SENP1: variants seen among roughly 807,000 people sequenced by gnomAD.
SENP1 encodes SUMO specific peptidase 1, also known as sentrin-specific protease 1.
SENP1 carries 21 observed loss-of-function variants against 93.0 expected under a neutral mutation model. That is an observed-to-expected ratio of 0.23 (90% CI 0.16 to 0.33). The LOEUF is 0.33. Among genes scored for constraint, SENP1 ranks in the 10% least tolerant of loss-of-function variants. The pLI, the probability that SENP1 is intolerant of heterozygous loss-of-function variation, is 1.00. For missense variants in SENP1, 591 were observed against 758.7 expected (o/e 0.78, Z 2.60); for synonymous variants, 256 against 259.6 (o/e 0.99, Z 0.13).
intron 13 of SENP1, among the ~76,000 whole-genome samples, chr12:48,049,565 C>G (rs533811061): frequency 6.8e-4 from 103 of 152,300 alleles, no homozygotes; most frequent in Non-Finnish European, 1.4e-3. Flanking sequence ...CAGTTAGCGC[C>G]TAGTGTTAGT....
rs545055183 is a variant in SENP1, at chr12:48,088,926, G to A, written c.255C>T (p.Gly85=). ...NPSSDSFLGS[G]DLRTFGQSAN... ...CACTCTGGCCAAAGGTTCTTAAATC[G>A]CCTGAGCCAAGAAAACTGTCTGAGG... is the stretch of plus-strand genomic sequence containing the variant. The change falls in exon 5 of 18, where the codon GGC becomes GGT. Residue 85 remains glycine (G), a synonymous_variant. Coordinates refer to ENST00000549518, the MANE Select transcript of SENP1 (RefSeq NM_001267594.2). 2.5e-6 allele frequency: 4 copies of A among 1,594,380 alleles called. No individual in the cohort carries two copies. The highest frequency in any genetic ancestry group is 1.3e-5 in the African/African-American group (1 of 74,460).
chr12:48,079,786 GTTT>G (rs997160619), intron 6 of SENP1, among the ~76,000 whole-genome samples: 1 of 91,982 alleles, frequency 1.1e-5, no homozygotes, highest in Non-Finnish European at 2.1e-5. Flanking sequence ...CTAGTAAACT[GTTT>G]TTTTATAAAT....
chr12:48,090,893 T>C (rs1245553131), intron 4 of SENP1, among the ~76,000 whole-genome samples: 1 of 152,194 alleles, frequency 6.6e-6, no homozygotes, highest in Non-Finnish European at 1.5e-5. Context: ...AGTGAGCCAC[T>C]GTGCCTGGCC....
chr12:48,094,978 A>G (rs2137263695), intron 4 of SENP1, among the ~76,000 whole-genome samples: 1 of 152,314 alleles, frequency 6.6e-6, no homozygotes, highest in Non-Finnish European at 1.5e-5. Flanking sequence ...AAGCCTTCTC[A>G]ATAATAATGG....
rs2136703805 is a variant in SENP1, at chr12:48,043,605, CAAAG to C, written c.*1713_*1716del. On this transcript the variant is annotated 3_prime_UTR_variant, in exon 18 of 18. Coordinates refer to ENST00000549518, the MANE Select transcript of SENP1 (RefSeq NM_001267594.2). ...TTATTTCCTATAGAAAACTCAAAAA[CAAAG>C]AAAAAGAAAGAAAAATAAAGAGAGA... 1 of 149,074 alleles carries C rather than the reference CAAAG, an allele frequency of 6.7e-6. No individual in the cohort carries two copies. Among genetic ancestry groups the C allele is most frequent in the African/African-American group, 2.5e-5 (1 of 40,206 alleles). 9.2% of individuals were successfully genotyped at this position (149,074 alleles called of 1,614,324 possible).
At chr12:48,078,379 TTATACA>T (rs1378747755) in intron 6 of SENP1, among the ~76,000 whole-genome samples, 15 of 93,208 alleles carry the variant, frequency 1.6e-4, no homozygotes, top group Middle Eastern at 5.8e-3. Context: ...ACATATATAC[TTATACA>T]TATACACACA....
chr12:48,101,530 C>T lies in SENP1; in HGVS notation c.-44-14G>A, dbSNP rs201651677. ...AGATACAAAGTCCTATAAAAGAAGA[C>T]ACAAAACAGAAAAATTACATACTGA... is the stretch of plus-strand genomic sequence containing the variant. On this transcript the variant is annotated splice_polypyrimidine_tract_variant and intron_variant, in intron 1 of 17. Coordinates refer to ENST00000549518, the MANE Select transcript of SENP1 (RefSeq NM_001267594.2). 4.2e-5 allele frequency: 61 copies of T among 1,451,202 alleles called. No individual in the cohort carries two copies. In the Middle Eastern group the frequency reaches 1.0e-3, roughly 25 times the overall value. The allele number at this position is 1,451,202 out of a possible 1,614,324, so 89.9% of individuals were successfully genotyped here. A position where few individuals can be genotyped will look rare whatever the true frequency, so the allele number is the denominator to read the frequency against.
intron 8 of SENP1, among the ~76,000 whole-genome samples, chr12:48,071,977 C>T (rs1204797603): frequency 6.6e-6 from 1 of 152,130 alleles, no homozygotes; most frequent in East Asian, 1.9e-4. Context: ...AGAATTTCCT[C>T]CTAGGCTGCA....
chr12:48,045,254 G>T lies in SENP1; in HGVS notation c.*68C>A. ...GAGGGCTGGGAGCAGCTGTTTCCAA[G>T]GTCTCTGGCTGTAGACAACAAAGAG... On this transcript the variant is annotated 3_prime_UTR_variant, in exon 18 of 18. Coordinates refer to ENST00000549518, the MANE Select transcript of SENP1 (RefSeq NM_001267594.2). 2 of 1,358,276 alleles carry T rather than the reference G, an allele frequency of 1.5e-6. No homozygotes were observed. Among genetic ancestry groups the T allele is most frequent in the South Asian group, 2.4e-5 (2 of 83,762 alleles). 84.1% of individuals were successfully genotyped at this position (1,358,276 alleles called of 1,614,324 possible). A position where few individuals can be genotyped will look rare whatever the true frequency, so the allele number is the denominator to read the frequency against.
At chr12:48,061,223 A>T (rs976616688) in intron 13 of SENP1, among the ~76,000 whole-genome samples, 1 of 152,192 alleles carries the variant, frequency 6.6e-6, no homozygotes, top group Non-Finnish European at 1.5e-5. Flanking sequence ...TGTTTATAAA[A>T]TGATAAGAAC....
intron 4 of SENP1, chr12:48,089,290 G>A (rs757989163): frequency 1.5e-6 from 2 of 1,372,924 alleles, no homozygotes; most frequent in Non-Finnish European, 1.9e-6. Flanking sequence ...TCCCAGGCCT[G>A]GGCCTGAAAG....
Position 48,071,733 on chromosome 12 carries a change from C to G in SENP1, c.941-12G>C, listed in dbSNP as rs200160180. 1.6e-5 allele frequency: 25 copies of G among 1,585,454 alleles called. No individual in the cohort carries two copies. In the East Asian group the frequency reaches 4.9e-4, roughly 31 times the overall value. On this transcript the variant is annotated splice_polypyrimidine_tract_variant and intron_variant, in intron 8 of 17. Transcript: ENST00000549518. ...CACAGAGTCTGATCCTAAAGAAACA[C>G]AAGAGCATTTCATTAGTAATAAAAC...
At chr12:48,089,152 G>C in intron 4 of SENP1, 192 bp from the exon 5 acceptor site, 1 of 1,564,770 alleles carries the variant, frequency 6.4e-7, no homozygotes, top group Non-Finnish European at 8.6e-7. Context: ...AATTGATTCA[G>C]CCATACTAAC....
chr12:48,102,431 C>CAAAA (rs57161608), intron 1 of SENP1, among the ~76,000 whole-genome samples: 21 of 47,408 alleles, frequency 4.4e-4, no homozygotes, highest in South Asian at 9.7e-4. Flanking sequence ...GACTCTGTCT[C>CAAAA]AAAAAAAAAA....
At chr12:48,073,851 C>T (rs541933257) in intron 8 of SENP1, among the ~76,000 whole-genome samples, 39 of 152,284 alleles carry the variant, frequency 2.6e-4, no homozygotes, top group Middle Eastern at 3.4e-3. Context: ...TACTTTGACT[C>T]TAGCCTGTAC....
rs1180650654 is a variant in SENP1, at chr12:48,066,956, G to T, written c.1005C>A (p.Phe335Leu). The change falls in exon 10 of 18, where the codon TTC (phenylalanine) becomes TTA (leucine). Residue 335 changes from phenylalanine (F) to leucine (L), a missense_variant. Phe to Leu is a conservative substitution (Grantham distance 22, BLOSUM62 0). This residue lies in a region of SENP1 where 238 missense variants were observed against 259.1 expected (regional missense o/e 0.92). Transcript: ENST00000549518. The part of the protein sequence containing the change: ...DSQTPTPSST[F>L]FQAELWIKEL... ...CTTTGATCCACAGCTCTGCCTGGAA[G>T]AAAGTAGAACTATGGGTAGGAAAAG... 1.3e-6 allele frequency: 2 copies of T among 1,562,352 alleles called. No homozygotes were observed. The highest frequency in any genetic ancestry group is 2.7e-5 in the African/African-American group (2 of 73,682).
rs10161320 is a variant in SENP1 at position 48,101,917 on chromosome 12, G to T, written c.-44-401C>A. 7.9e-3 allele frequency among the ~76,000 whole-genome samples: 1,207 copies of T among 152,274 alleles called. 29 individuals carry two copies. Among genetic ancestry groups the T allele is most frequent in the African/African-American group, 0.028 (1,143 of 41,538 alleles). ...ATGCTAAATCACTTCATAAACAAGT[G>T]ACAGACTTTGTGATGGTCCTATTAA... On this transcript the variant is annotated intron_variant, in intron 1 of 17. Transcript: ENST00000549518.
At position 48,045,219 on chromosome 12, in the gene SENP1, T is replaced by C; in HGVS notation, c.*103A>G. The C allele has an allele frequency of 1.1e-6, 1 of 918,298 alleles. No homozygotes were observed. The allele number at this position is 918,298 out of a possible 1,614,324, so 56.9% of individuals were successfully genotyped here. A position where few individuals can be genotyped will look rare whatever the true frequency, so the allele number is the denominator to read the frequency against. ...GGGCCTGGTCCAGGATCAAGGGTGT[T>C]ACAACAGCAGAGGGCTGGGAGCAGC... On this transcript the variant is annotated 3_prime_UTR_variant, in exon 18 of 18. Coordinates refer to ENST00000549518, the MANE Select transcript of SENP1 (RefSeq NM_001267594.2).
At position 48,047,056 on chromosome 12, in the gene SENP1, G is replaced by A. The variant is rs765042453; in HGVS notation, c.1698C>T (p.Tyr566=). 15 of 1,608,644 alleles carry A rather than the reference G, an allele frequency of 9.3e-6. No homozygotes were observed. The highest frequency in any genetic ancestry group is 1.3e-5 in the African/African-American group (1 of 74,732). Reference sequence around the variant, plus strand: ...TCTTGTCAATGCTTTCTTGCTTTAGGTATTGCCTAAAGGTATCAGGAGAGA... The same window carrying A: ...TCTTGTCAATGCTTTCTTGCTTTAGATATTGCCTAAAGGTATCAGGAGAGA... The part of the protein sequence containing the change: ...NNEACRILLQ[Y]LKQESIDKKR... Residue 566 remains tyrosine, a synonymous_variant, in exon 16 of 18, where the codon TAC becomes TAT. Transcript: ENST00000549518.
Sources: gnomAD v4.1 joint callset for allele counts (sites outside exome capture counted in the v4.1 genomes callset) on GRCh38, gnomAD v4.1.1 for gene constraint, gnomAD v4.1.1 regional missense constraint, MANE v1.5 for transcripts, NCBI Gene and HGNC (gene_info 2026-07-23, HGNC 2026-07-21) for gene names.